The following PATJ variants were observed in gnomAD, a reference collection of about 807,000 sequenced individuals.
The protein encoded by PATJ is PATJ crumbs cell polarity complex component.
A neutral mutation model predicts 224.9 loss-of-function variants in PATJ; 190 were observed. That is an observed-to-expected ratio of 0.84 (90% CI 0.75 to 0.95). PATJ has a LOEUF of 0.95. Ranked by LOEUF, PATJ falls within the 40% of genes least tolerant of loss-of-function variation. The pLI is 0.00. For missense variants in PATJ, 2,121 were observed against 2,270.3 expected, an observed-to-expected ratio of 0.93 and a Z score of 1.34; for synonymous variants, 769 against 820.3, an observed-to-expected ratio of 0.94 and a Z score of 1.07.
At chr1:61,743,579 C>A (rs1403223427) in intron 1 of PATJ, among the ~76,000 whole-genome samples, 3 of 152,226 alleles carry the variant, frequency 2.0e-5, no homozygotes, top group Non-Finnish European at 4.4e-5. Context: ...GAGGATGATA[C>A]TACCACATTC....
chr1:61,841,923 G>A (rs1406022433), intron 17 of PATJ, among the ~76,000 whole-genome samples: 1 of 152,124 alleles, frequency 6.6e-6, no homozygotes, highest in Non-Finnish European at 1.5e-5. Flanking sequence ...TTCCCTCTAT[G>A]GGAAAGTTCT....
rs117726796 is a variant in PATJ at position 61,842,903 on chromosome 1, G to A, written c.2112+9118G>A. On this transcript the variant is annotated intron_variant, in intron 17 of 43. Transcript: ENST00000642238. Reference sequence around the variant, plus strand: ...GTGTGATGTCAGTATTAAGAACCATGGTAGTAGATAAAGTCATAGCCCTTC... The same window carrying A: ...GTGTGATGTCAGTATTAAGAACCATAGTAGTAGATAAAGTCATAGCCCTTC... Among the ~76,000 whole-genome samples the A allele has an allele frequency of 1.2e-3, 190 of 152,278 alleles. 2 individuals carry two copies. In the East Asian group the frequency reaches 0.026, roughly 21 times the overall value.
At chr1:62,071,433 T>G (rs1657379229) in intron 31 of PATJ, among the ~76,000 whole-genome samples, 1 of 151,988 alleles carries the variant, frequency 6.6e-6, no homozygotes, top group South Asian at 2.1e-4. Flanking sequence ...TTCCATTTTA[T>G]GGATGGGGAA....
At chr1:61,943,119 T>C (rs529743437) in intron 27 of PATJ, among the ~76,000 whole-genome samples, 5 of 152,260 alleles carry the variant, frequency 3.3e-5, no homozygotes, top group Admixed American at 6.5e-5. Context: ...TCATGCTAAG[T>C]AAAGGAAGCC....
chr1:61,847,671 A>G (rs1275574345), intron 17 of PATJ, among the ~76,000 whole-genome samples: 1 of 152,242 alleles, frequency 6.6e-6, no homozygotes, highest in Non-Finnish European at 1.5e-5. Flanking sequence ...CATTAGAATC[A>G]ATTAGTTATT....
chr1:61,794,391 C>T (rs1369417323), intron 9 of PATJ, among the ~76,000 whole-genome samples: 1 of 151,906 alleles, frequency 6.6e-6, no homozygotes, highest in African/African-American at 2.4e-5. Context: ...GTGATCCTCC[C>T]CCCTCAGCCT....
At position 62,160,888 on chromosome 1, in the gene PATJ, G is replaced by A. The variant is rs1220127698; in HGVS notation, c.5503-20G>A. The A allele has an allele frequency of 6.2e-7, 1 of 1,612,912 alleles. No homozygotes were observed. The highest frequency in any genetic ancestry group is 1.7e-5 in the Admixed American group (1 of 59,806). ...ACTGTGTTTTACCCTGGATTAAACT[G>A]AAATGTTTCTTGTTTGTAGGGAGCA... On this transcript the variant is annotated intron_variant, in intron 43 of 43. Transcript: ENST00000642238.
chr1:62,129,055 G>T, intron 41 of PATJ, 110 bp downstream of exon 41: 1 of 642,260 alleles, frequency 1.6e-6, no homozygotes, highest in Non-Finnish European at 2.8e-6. Flanking sequence ...GCTTGCTGAT[G>T]TGAATTACGA....
intron 17 of PATJ, chr1:61,846,302 T>A (rs1661942805): frequency 6.6e-6 from 1 of 152,174 alleles, no homozygotes; most frequent in Non-Finnish European, 1.5e-5. Context: ...TTGATCACTA[T>A]CATTCGGCTA....
At chr1:61,788,280 A>G (rs1230183013) in intron 8 of PATJ, among the ~76,000 whole-genome samples, 1 of 152,182 alleles carries the variant, frequency 6.6e-6, no homozygotes, top group Admixed American at 6.6e-5. Flanking sequence ...GGAAAACTGT[A>G]AACACTGGCC....
At chr1:61,761,993 G>A (rs1645998721) in intron 1 of PATJ, among the ~76,000 whole-genome samples, 1 of 152,080 alleles carries the variant, frequency 6.6e-6, no homozygotes, top group Non-Finnish European at 1.5e-5. Context: ...CGGCCACTCT[G>A]TCTTTTGAGA....
intron 41 of PATJ, among the ~76,000 whole-genome samples, chr1:62,134,774 G>C (rs992415041): frequency 6.6e-6 from 1 of 152,110 alleles, no homozygotes; most frequent in African/African-American, 2.4e-5. Context: ...TCTGTGCCTC[G>C]GGCGCAGGCC....
rs895238300 is a variant in PATJ at position 61,872,945 on chromosome 1, A to T, written c.2836-2298A>T. On this transcript the variant is annotated intron_variant, in intron 20 of 43. Coordinates refer to ENST00000642238, the MANE Select transcript of PATJ (RefSeq NM_001350145.3). ...TTCATAATCTACTTTGCAAAGCTGG[A>T]AGTATTTTGTATATCGGCTTATGAA... Among the ~76,000 whole-genome samples the T allele has an allele frequency of 2.0e-5, 3 of 152,308 alleles. 1 individual carries two copies. The highest frequency in any genetic ancestry group is 7.2e-5 in the African/African-American group (3 of 41,558).
At chr1:61,945,665 A>T (rs1222038202) in intron 27 of PATJ, among the ~76,000 whole-genome samples, 2 of 152,224 alleles carry the variant, frequency 1.3e-5, no homozygotes, top group Non-Finnish European at 2.9e-5. Context: ...CATTAGACAG[A>T]AAGTTAACAA....
chr1:62,099,902 A>G (rs751503350), intron 33 of PATJ, among the ~76,000 whole-genome samples: 2 of 152,102 alleles, frequency 1.3e-5, no homozygotes, highest in Non-Finnish European at 2.9e-5. Flanking sequence ...TTGCTGAATG[A>G]TTGGTGTGTT....
intron 5 of PATJ, among the ~76,000 whole-genome samples, chr1:61,769,908 T>C (rs1198601928): frequency 2.0e-5 from 3 of 152,208 alleles, no homozygotes; most frequent in African/African-American, 7.2e-5. Flanking sequence ...TTATGCTTAT[T>C]GTCAGTTAAG....
intron 1 of PATJ, among the ~76,000 whole-genome samples, chr1:61,742,815 C>T (rs1339577580): frequency 6.6e-6 from 1 of 150,430 alleles, no homozygotes; most frequent in Non-Finnish European, 1.5e-5. Flanking sequence ...GCGCCGTCCT[C>T]CTGCGTCGGG....
chr1:62,073,632 TTAAATAAA>T (rs539478618), intron 31 of PATJ, among the ~76,000 whole-genome samples: 15 of 151,694 alleles, frequency 9.9e-5, no homozygotes, highest in African/African-American at 1.5e-4. Flanking sequence ...GACGCTGTCT[TTAAATAAA>T]TAAATAAATA....
intron 27 of PATJ, among the ~76,000 whole-genome samples, chr1:61,954,264 C>T (rs1680117558): frequency 6.6e-6 from 1 of 152,134 alleles, no homozygotes; most frequent in South Asian, 2.1e-4. Flanking sequence ...CTTTGGCATT[C>T]AGTCAATTTT....
Sources: gnomAD v4.1 joint callset for allele counts (sites outside exome capture counted in the v4.1 genomes callset) on GRCh38, gnomAD v4.1.1 for gene constraint, MANE v1.5 for transcripts, NCBI Gene and HGNC (gene_info 2026-07-23, HGNC 2026-07-21) for gene names.